Variants in WDR44 observed in about 807,000 individuals in gnomAD.
WDR44 encodes the protein WD repeat domain 44.
A neutral mutation model predicts 65.7 loss-of-function variants in WDR44; 9 were observed. The ratio of observed to expected loss-of-function variants is 0.14; its 90% CI spans 0.08 to 0.24. The LOEUF (loss-of-function observed/expected upper bound fraction) is 0.24. Among genes scored for constraint, WDR44 ranks in the 10% least tolerant of loss-of-function variants. WDR44 has a pLI of 1.00. For synonymous variants in WDR44, 220 were observed against 235.2 expected (o/e 0.94, Z 0.59); for missense variants, 425 against 670.9 (o/e 0.63, Z 4.05).
chrX:118,418,331 AG>A (rs1234550945), intron 12 of WDR44, among the ~76,000 whole-genome samples: 1 of 111,631 alleles, frequency 9.0e-6, no homozygotes, highest in African/African-American at 3.3e-5. Context: ...GTCAGAGTCT[AG>A]GGCTGAAGGC....
rs1231370193 is a variant in WDR44 at position 118,394,229 on chromosome X, C to G, written c.957+44C>G. 4 of 1,194,619 alleles carry G rather than the reference C, an allele frequency of 3.3e-6. No individual in the cohort carries two copies. In the East Asian group the frequency reaches 1.2e-4, roughly 36 times the overall value. On this transcript the variant is annotated intron_variant, in intron 5 of 19. Transcript: ENST00000254029. The stretch of plus-strand genomic sequence containing the variant: ...TGTTTCATATAGACTTTATCAGCTC[C>G]CTGCAACTGGCTGGTTTGTTGATGA...
chrX:118,441,303 G>A (rs1157987307), intron 14 of WDR44, 65 bp from the exon 15 acceptor site: 16 of 1,009,331 alleles, frequency 1.6e-5, no homozygotes, highest in Non-Finnish European at 2.0e-5. Flanking sequence ...TTACTGATTT[G>A]ATTTGCTAAT....
intron 11 of WDR44, 21 bp from the exon 12 acceptor site, chrX:118,410,874 C>T: frequency 1.7e-6 from 2 of 1,190,021 alleles, no homozygotes; most frequent in Middle Eastern, 4.7e-4. Context: ...GCCTTTTTTA[C>T]AATTATTATG....
chrX:118,380,234 T>G (rs2056702504), intron 2 of WDR44, among the ~76,000 whole-genome samples: 1 of 111,765 alleles, frequency 8.9e-6, no homozygotes, highest in African/African-American at 3.2e-5. Flanking sequence ...TATAGTACAA[T>G]TTTAAAATGA....
intron 12 of WDR44, among the ~76,000 whole-genome samples, chrX:118,417,741 C>T (rs1362908260): frequency 5.4e-5 from 6 of 111,892 alleles, no homozygotes; most frequent in East Asian, 5.6e-4. Context: ...CGAGCAAGGC[C>T]GGGGAAGTTT....
intron 8 of WDR44, among the ~76,000 whole-genome samples, chrX:118,402,603 C>T: frequency 9.1e-6 from 1 of 109,597 alleles, no homozygotes; most frequent in Non-Finnish European, 1.9e-5. Flanking sequence ...CAAAAATTAG[C>T]CAGGCATGGT....
At chrX:118,349,061 A>G (rs903648486) in intron 1 of WDR44, among the ~76,000 whole-genome samples, 5 of 111,009 alleles carry the variant, frequency 4.5e-5, no homozygotes, top group African/African-American at 1.6e-4. Context: ...TTGTTAATCT[A>G]CTCTTTGAAA....
chrX:118,433,079 T>C (rs2057226050), intron 13 of WDR44, among the ~76,000 whole-genome samples, 185 bp downstream of exon 13: 1 of 111,800 alleles, frequency 8.9e-6, no homozygotes, highest in Admixed American at 9.5e-5. Flanking sequence ...TGATTATAGG[T>C]ATTAATCACA....
At chrX:118,357,906 G>C (rs967055833) in intron 1 of WDR44, among the ~76,000 whole-genome samples, 1 of 111,114 alleles carries the variant, frequency 9.0e-6, no homozygotes, top group Non-Finnish European at 1.9e-5. Flanking sequence ...GGGCGCGGTG[G>C]CTCATGCCTG....
At chrX:118,369,470 CT>C (rs1353904561) in intron 1 of WDR44, among the ~76,000 whole-genome samples, 56 of 75,938 alleles carry the variant, frequency 7.4e-4, no homozygotes, top group Middle Eastern at 9.6e-3. Context: ...CACGCCCGGC[CT>C]TTTTTTTTTT....
Position 118,398,419 on chromosome X carries a change from A to G in WDR44, c.1223A>G (p.Lys408Arg). 8.3e-7 allele frequency: 1 copy of G among 1,211,105 alleles called. No homozygotes were observed. The highest frequency in any genetic ancestry group is 1.1e-6 in the Non-Finnish European group (1 of 895,114). ...NDAAQSDDEE[K>R]LQSQPTDTDG... ...GCGGCACAGTCAGATGATGAAGAGAAGTTACAGTCTCAGCCAACAGATACT... is the reference window on the plus strand; with the variant it reads ...GCGGCACAGTCAGATGATGAAGAGAGGTTACAGTCTCAGCCAACAGATACT... The change falls in exon 8 of 20, where the codon AAG becomes AGG. Residue 408 changes from lysine to arginine, a missense_variant. Transcript: ENST00000254029.
chrX:118,363,300 G>A (rs980198075), intron 1 of WDR44, among the ~76,000 whole-genome samples: 24 of 105,829 alleles, frequency 2.3e-4, no homozygotes, highest in Admixed American at 1.0e-4. Context: ...TACTTCGGAG[G>A]CTGAGGCAGG....
intron 9 of WDR44, among the ~76,000 whole-genome samples, chrX:118,406,347 C>T (rs1474633077): frequency 1.8e-5 from 2 of 110,963 alleles, no homozygotes; most frequent in Non-Finnish European, 3.8e-5. Context: ...AGGAGGATCA[C>T]TTAAGCCCAG....
At chrX:118,441,887 C>T (rs1179698193) in intron 15 of WDR44, among the ~76,000 whole-genome samples, 2 of 111,331 alleles carry the variant, frequency 1.8e-5, no homozygotes, top group East Asian at 5.6e-4. Flanking sequence ...ACTATAGGCA[C>T]GTGCCACCAC....
At chrX:118,446,650 TTCTG>T (rs1185102415) in intron 19 of WDR44, among the ~76,000 whole-genome samples, 2 of 111,633 alleles carry the variant, frequency 1.8e-5, no homozygotes, top group Admixed American at 9.6e-5. Context: ...ACACTTTTCC[TTCTG>T]TCTGTGAAGA....
At chrX:118,416,061 AT>A (rs1401658734) in intron 12 of WDR44, among the ~76,000 whole-genome samples, 2 of 110,105 alleles carry the variant, frequency 1.8e-5, no homozygotes, top group African/African-American at 3.3e-5. Context: ...GGTTATTTGG[AT>A]TTTCTCTTTT....
chrX:118,382,468 G>T (rs16995150), intron 2 of WDR44, among the ~76,000 whole-genome samples: 1 of 111,561 alleles, frequency 9.0e-6, no homozygotes, highest in African/African-American at 3.3e-5. Context: ...AAAAAGAGTG[G>T]AAGTCACATT....
At chrX:118,409,412 G>A (rs2056994742) in intron 10 of WDR44, 77 bp from the exon 11 acceptor site, 14 of 1,087,935 alleles carry the variant, frequency 1.3e-5, no homozygotes, top group Non-Finnish European at 1.5e-5. Flanking sequence ...TTACAGACGT[G>A]AGCCACCATG....
At chrX:118,380,772 G>A (rs1391254591) in intron 2 of WDR44, among the ~76,000 whole-genome samples, 1 of 112,087 alleles carries the variant, frequency 8.9e-6, no homozygotes, top group South Asian at 3.7e-4. Flanking sequence ...GCCACAAGGG[G>A]TTTGGAGGAA....
Sources: allele counts gnomAD v4.1 joint callset (sites outside exome capture counted in the v4.1 genomes callset), GRCh38; gene constraint gnomAD v4.1.1; transcripts MANE v1.5; gene names NCBI Gene and HGNC (gene_info 2026-07-23, HGNC 2026-07-21).